Variants in DUXB observed in about 807,000 individuals in gnomAD.
DUXB encodes double homeobox protein B.
Under a neutral mutation model 8.9 loss-of-function variants are expected in DUXB, and 22 were observed. The observed-to-expected ratio is 2.46, with a 90% confidence interval of 1.76 to 3.52. DUXB has a LOEUF of 3.52. DUXB is among the 30% of genes most tolerant of loss of function. The pLI is 0.00. For synonymous variants in DUXB, 84 were observed against 37.6 expected (o/e 2.23, Z -4.52); for missense variants, 237 against 108.7 (o/e 2.18, Z -5.25).
rs374791635 is a variant in DUXB at position 75,701,440 on chromosome 16, C to T, written c.-22G>A. The T allele has an allele frequency of 1.5e-4, 61 of 398,612 alleles. No individual in the cohort carries two copies. Among genetic ancestry groups the T allele is most frequent in the Admixed American group, 4.0e-4 (9 of 22,736 alleles). The allele number at this position is 398,612 out of a possible 1,614,324, so 24.7% of individuals were successfully genotyped here. On this transcript the variant is annotated 5_prime_UTR_variant, in exon 1 of 5. Transcript: ENST00000633875. ...TCATCTTGGGCAGAAGACCTGGACT[C>T]CACGGAGATCAGCGAGTAACTGAGC...
intron 2 of DUXB, among the ~76,000 whole-genome samples, chr16:75,699,576 T>C (rs1477544629): frequency 2.0e-5 from 3 of 151,878 alleles, no homozygotes; most frequent in Non-Finnish European, 4.4e-5. Context: ...TTTTTTTTTT[T>C]TGAGACGGAG....
At chr16:75,699,725 A>AT (rs547243089) in intron 2 of DUXB, among the ~76,000 whole-genome samples, 31 of 150,652 alleles carry the variant, frequency 2.1e-4, no homozygotes, top group Non-Finnish European at 2.8e-4. Flanking sequence ...CGCCCGGCTA[A>AT]TTTTTTTTTG....
intron 2 of DUXB, among the ~76,000 whole-genome samples, chr16:75,697,912 C>G (rs2082621382): frequency 2.0e-5 from 3 of 152,190 alleles, no homozygotes; most frequent in African/African-American, 7.2e-5. Flanking sequence ...GAGAATCTAA[C>G]TAATAGCTAA....
chr16:75,701,133 C>T (rs1184384369), intron 1 of DUXB, among the ~76,000 whole-genome samples: 3 of 152,180 alleles, frequency 2.0e-5, no homozygotes, highest in Non-Finnish European at 2.9e-5. Context: ...ATTCTCCCCT[C>T]CACATAAACT....
At chr16:75,698,780 T>A (rs1257802789) in intron 2 of DUXB, 1 of 152,242 alleles carries the variant, frequency 6.6e-6, no homozygotes, top group Non-Finnish European at 1.5e-5. Context: ...CAAACGATTC[T>A]CCTGCCTCAA....
Position 75,694,475 on chromosome 16 carries a change from C to A in DUXB, c.492G>T (p.Glu164Asp). ...RSLYLKKSRM[E>D]PMNLLVDDPN... ...GGTCGTCTACCAATAAATTCATGGG[C>A]TCCATTCTGCTCTTCTTGAGGTACA... The change falls in exon 5 of 5, where the codon GAG becomes GAT. Residue 164 changes from glutamate (E) to aspartate (D), a missense_variant. Physicochemically the swap from Glu to Asp is conservative, Grantham distance 45. Coordinates refer to ENST00000633875, the MANE Select transcript of DUXB (RefSeq NM_001351307.2). 1 of 703,070 alleles carries A rather than the reference C, an allele frequency of 1.4e-6. No homozygotes were observed. The highest frequency in any genetic ancestry group is 2.6e-6 in the Non-Finnish European group (1 of 385,000). The allele number at this position is 703,070 out of a possible 1,614,324, so 43.6% of individuals were successfully genotyped here.
chr16:75,699,523 A>G (rs780130080), intron 2 of DUXB, among the ~76,000 whole-genome samples: 16 of 152,176 alleles, frequency 1.1e-4, no homozygotes, highest in Middle Eastern at 3.4e-3. Flanking sequence ...GGTAAAATAC[A>G]TAAACCGCAT....
chr16:75,696,074 T>C lies in DUXB; in HGVS notation c.328A>G (p.Thr110Ala), dbSNP rs2082604271. The C allele has an allele frequency of 1.4e-6, 1 of 702,936 alleles. No homozygotes were observed. Among genetic ancestry groups the C allele is most frequent in the Non-Finnish European group, 2.6e-6 (1 of 385,024 alleles). The allele number at this position is 702,936 out of a possible 1,614,324, so 43.5% of individuals were successfully genotyped here. The change falls in exon 4 of 5, where the codon ACA (threonine) becomes GCA (alanine). Residue 110 changes from threonine to alanine, a missense_variant. Coordinates refer to ENST00000633875, the MANE Select transcript of DUXB (RefSeq NM_001351307.2). ...ACTAGCCTGTTTTTTTGAGTCCATG[T>C]GATGAATGTCTGTTTTTGTCGGGCT... ...KEARQKQTFI[T>A]WTQKNRLVQA...
In DUXB at chr16:75,700,004, C is replaced by G; in HGVS notation, c.180+11G>C. The G allele has an allele frequency of 2.9e-6, 2 of 692,620 alleles. No individual in the cohort carries two copies. The highest frequency in any genetic ancestry group is 1.8e-5 in the African/African-American group (1 of 56,826). 42.9% of individuals were successfully genotyped at this position (692,620 alleles called of 1,614,324 possible). ...TTCTGACAGGTAATGAAGTAGAAAT[C>G]TAATGCCTACCTGAATATTAGATTC... On this transcript the variant is annotated intron_variant, in intron 2 of 4. Coordinates refer to ENST00000633875, the MANE Select transcript of DUXB (RefSeq NM_001351307.2).
rs375334962 is a variant in DUXB, at chr16:75,695,317, G to A, written c.441+644C>T. Among the ~76,000 whole-genome samples the A allele has an allele frequency of 3.3e-5, 5 of 152,224 alleles. No homozygotes were observed. In the South Asian group the frequency reaches 6.2e-4, roughly 19 times the overall value. ...AGGCTGACATTTTTTTCCTCTTCAC[G>A]GATGTGTGCATAAGAATTCGTAGTT... On this transcript the variant is annotated intron_variant, in intron 4 of 4. Transcript: ENST00000633875.
At chr16:75,700,207 A>G (rs771825632) in intron 1 of DUXB, 38 bp from the exon 2 acceptor site, 12 of 678,330 alleles carry the variant, frequency 1.8e-5, no homozygotes, top group South Asian at 1.6e-4. Flanking sequence ...TGTGAATAAT[A>G]TATTTATGGG....
At chr16:75,698,664 C>G (rs1959196240) in intron 2 of DUXB, 1 of 152,220 alleles carries the variant, frequency 6.6e-6, no homozygotes, top group Admixed American at 6.6e-5. Context: ...TCCTTAGGCA[C>G]CCTGGCGGTC....
At chr16:75,700,321 G>T (rs113226450) in intron 1 of DUXB, 152 bp from the exon 2 acceptor site, 20 of 499,150 alleles carry the variant, frequency 4.0e-5, no homozygotes, top group East Asian at 2.7e-4. Context: ...TGCGACCTCC[G>T]CTCCTGGGTT....
Position 75,694,510 on chromosome 16 carries a change from G to C in DUXB, c.457C>G (p.Gln153Glu), listed in dbSNP as rs1175753209. Residue 153 changes from glutamine (Q) to glutamate (E), a missense_variant, in exon 5 of 5, where the codon CAA becomes GAA. Transcript: ENST00000633875. ...ESRIQMWFQK[Q>E]RSLYLKKSRM... ...CTCTTCTTGAGGTACAGAGATCTTT[G>C]TTTCTGAAACCACATCTAAATGAGA... is the stretch of plus-strand genomic sequence containing the variant. The C allele has an allele frequency of 1.4e-6, 1 of 702,814 alleles. No homozygotes were observed. The highest frequency in any genetic ancestry group is 2.6e-6 in the Non-Finnish European group (1 of 384,976). The allele number at this position is 702,814 out of a possible 1,614,324, so 43.5% of individuals were successfully genotyped here.
chr16:75,699,455 G>A (rs767489992), intron 2 of DUXB, among the ~76,000 whole-genome samples: 8 of 152,098 alleles, frequency 5.3e-5, no homozygotes, highest in Non-Finnish European at 7.4e-5. Flanking sequence ...TATTGGGAGA[G>A]ACTGAGCCAG....
intron 1 of DUXB, 115 bp downstream of exon 1, chr16:75,701,279 C>T: frequency 5.0e-6 from 2 of 397,946 alleles, no homozygotes; most frequent in East Asian, 3.6e-5. Context: ...ACAGCTGCTG[C>T]TCTACCAGTC....
intron 1 of DUXB, 107 bp from the exon 2 acceptor site, chr16:75,700,276 C>T: frequency 1.0e-5 from 6 of 574,492 alleles, no homozygotes; most frequent in Non-Finnish European, 1.9e-5. Flanking sequence ...ACTCTGTCGC[C>T]CAGATTGGAG....
In DUXB at chr16:75,700,197, T is replaced by C. The variant is rs1358541539; in HGVS notation, c.26-28A>G. ...GATGAACAGAAAAGGGGGAGAATAG[T>C]GTGAATAATATATTTATGGGTTTAA... On this transcript the variant is annotated intron_variant, in intron 1 of 4. Transcript: ENST00000633875. 2.5e-5 allele frequency: 17 copies of C among 686,722 alleles called. No homozygotes were observed. In the Admixed American group the frequency reaches 3.7e-4, roughly 15 times the overall value. 42.5% of individuals were successfully genotyped at this position (686,722 alleles called of 1,614,324 possible).
chr16:75,699,660 G>A (rs1025121059), intron 2 of DUXB, among the ~76,000 whole-genome samples: 2 of 150,082 alleles, frequency 1.3e-5, no homozygotes, highest in South Asian at 2.1e-4. Flanking sequence ...CCGGGTTCAC[G>A]CCATTCTCCT....
Sources: gnomAD v4.1 joint callset for allele counts (sites outside exome capture counted in the v4.1 genomes callset) on GRCh38, gnomAD v4.1.1 for gene constraint, MANE v1.5 for transcripts, NCBI Gene and HGNC (gene_info 2026-07-23, HGNC 2026-07-21) for gene names.